Variants in SIDT1 observed in about 807,000 individuals in gnomAD.
SIDT1 encodes the protein SID1 transmembrane family member 1, also known as SID1 transmembrane family, member 1.
Under a neutral mutation model 107.5 loss-of-function variants are expected in SIDT1, and 101 were observed. That is an observed-to-expected ratio of 0.94 (90% CI 0.80 to 1.11). The LOEUF is 1.11. SIDT1 is among the 50% of genes least tolerant of loss of function. SIDT1 has a pLI of 0.00. For missense variants in SIDT1, 1,076 were observed against 1,058.2 expected (o/e 1.02, Z -0.23); for synonymous variants, 395 against 398.2 (o/e 0.99, Z 0.10).
chr3:113,611,956 C>T (rs1945781198), intron 18 of SIDT1, 130 bp from the exon 19 acceptor site: 7 of 636,834 alleles, frequency 1.1e-5, no homozygotes, highest in Non-Finnish European at 1.7e-5. Context: ...ATGGGAGTTT[C>T]CAGAGGGGGA....
At chr3:113,597,514 A>C (rs6766636) in intron 10 of SIDT1, among the ~76,000 whole-genome samples, 43,260 of 148,898 alleles carry the variant, frequency 0.29, 6,588 homozygotes, top group South Asian at 0.37. Context: ...AAAAAAAAAA[A>C]AAAAAATCAT....
chr3:113,542,379 CCTT>C (rs1391336907), intron 1 of SIDT1, among the ~76,000 whole-genome samples: 1 of 151,148 alleles, frequency 6.6e-6, no homozygotes, highest in Non-Finnish European at 1.5e-5. Context: ...TTATGTTGGC[CCTT>C]CTTTGGGGTT....
At chr3:113,606,206 A>G (rs1945321805) in intron 14 of SIDT1, among the ~76,000 whole-genome samples, 2 of 152,302 alleles carry the variant, frequency 1.3e-5, no homozygotes, top group African/African-American at 4.8e-5. Flanking sequence ...TACACAGTAG[A>G]AAGCCCATTT....
intron 21 of SIDT1, among the ~76,000 whole-genome samples, chr3:113,623,192 TAAAAAAAAAAAAAAAAA>T (rs61454117): frequency 1.9e-5 from 1 of 53,808 alleles, no homozygotes; most frequent in Non-Finnish European, 3.1e-5. Context: ...CCCCAACTCT[TAAAAAAAAAAAAAAAAA>T]AAAAAAAAAA....
chr3:113,557,201 A>G (rs186184741), intron 1 of SIDT1, among the ~76,000 whole-genome samples: 1 of 152,338 alleles, frequency 6.6e-6, no homozygotes, highest in East Asian at 1.9e-4. Context: ...CCTGGCCTCC[A>G]TGTTAATTCA....
intron 1 of SIDT1, among the ~76,000 whole-genome samples, chr3:113,557,996 T>G (rs1941056217): frequency 6.6e-6 from 1 of 152,102 alleles, no homozygotes; most frequent in African/African-American, 2.4e-5. Flanking sequence ...CACCACATCT[T>G]GAAATATAGT....
downstream of SIDT1, among the ~76,000 whole-genome samples, chr3:113,632,046 TG>T (rs1185276134): frequency 8.5e-5 from 13 of 152,214 alleles, no homozygotes; most frequent in African/African-American, 3.1e-4. Flanking sequence ...TCACTGGAGA[TG>T]AACAATAGCT....
intron 9 of SIDT1, among the ~76,000 whole-genome samples, chr3:113,591,562 T>C (rs1944153463): frequency 6.6e-6 from 1 of 152,002 alleles, no homozygotes; most frequent in Admixed American, 6.6e-5. Context: ...ATCAAGACTC[T>C]GGTACTGACA....
In SIDT1 at chr3:113,629,066, GT is replaced by G. The variant is rs1947027463; in HGVS notation, c.*1359del. 1 of 152,180 alleles carries G rather than the reference GT, an allele frequency of 6.6e-6. No individual in the cohort carries two copies. Among genetic ancestry groups the G allele is most frequent in the African/African-American group, 2.4e-5 (1 of 41,440 alleles). 9.4% of individuals were successfully genotyped at this position (152,180 alleles called of 1,614,324 possible). A position where few individuals can be genotyped will look rare whatever the true frequency, so the allele number is the denominator to read the frequency against. On this transcript the variant is annotated 3_prime_UTR_variant, in exon 25 of 25. Coordinates refer to ENST00000264852, the MANE Select transcript of SIDT1 (RefSeq NM_017699.3). ...TGTGCACATGCGTATGTATTTGCTT[GT>G]GAAATTAAAGTCACCTCTTGCCTCT...
intron 1 of SIDT1, among the ~76,000 whole-genome samples, chr3:113,565,049 T>C (rs1277828246): frequency 6.6e-6 from 1 of 152,220 alleles, no homozygotes; most frequent in Middle Eastern, 3.2e-3. Flanking sequence ...GATAGATCAT[T>C]AGGGCTTAAT....
At chr3:113,612,304 T>C (rs972501367) in intron 19 of SIDT1, 110 bp downstream of exon 19, 14 of 780,454 alleles carry the variant, frequency 1.8e-5, no homozygotes, top group Non-Finnish European at 2.9e-5. Flanking sequence ...CGTGAACACA[T>C]GCTCTGAATT....
intron 1 of SIDT1, among the ~76,000 whole-genome samples, chr3:113,561,948 T>C (rs563212771): frequency 6.6e-6 from 1 of 152,332 alleles, no homozygotes; most frequent in South Asian, 2.1e-4. Context: ...CTGACTGCTA[T>C]AGCTTTTAAG....
chr3:113,568,318 G>A (rs543040800), intron 3 of SIDT1, among the ~76,000 whole-genome samples: 5 of 152,110 alleles, frequency 3.3e-5, no homozygotes, highest in East Asian at 1.9e-4. Flanking sequence ...AATTAAGGCC[G>A]GGTGTGGTGG....
At chr3:113,544,168 TC>T (rs1939281222) in intron 1 of SIDT1, among the ~76,000 whole-genome samples, 2 of 141,872 alleles carry the variant, frequency 1.4e-5, no homozygotes, top group Non-Finnish European at 3.0e-5. Flanking sequence ...TTATCATGAG[TC>T]TTTTTGTTTG....
intron 10 of SIDT1, chr3:113,595,024 G>C (rs533829262): frequency 1.9e-5 from 3 of 154,268 alleles, no homozygotes; most frequent in Admixed American, 6.5e-5. Context: ...CATTGGCCTA[G>C]AGTGAATCAT....
At chr3:113,602,139 C>T (rs1393021775) in intron 11 of SIDT1, 1 of 152,898 alleles carries the variant, frequency 6.5e-6, no homozygotes, top group Non-Finnish European at 1.5e-5. Flanking sequence ...GCCACCCAGT[C>T]GTTCACATGG....
At chr3:113,615,212 G>A (rs1044736599) in intron 19 of SIDT1, 1 of 871,552 alleles carries the variant, frequency 1.1e-6, no homozygotes, top group African/African-American at 1.7e-5. Flanking sequence ...GGGAGCCAGA[G>A]AGAGGCTCAG....
At chr3:113,548,388 T>C (rs942849958) in intron 1 of SIDT1, among the ~76,000 whole-genome samples, 3 of 152,134 alleles carry the variant, frequency 2.0e-5, no homozygotes, top group African/African-American at 7.2e-5. Context: ...TAATTCATCC[T>C]TTATTCTCTT....
chr3:113,591,474 A>G (rs1221925660), intron 9 of SIDT1, among the ~76,000 whole-genome samples: 5 of 152,112 alleles, frequency 3.3e-5, no homozygotes, highest in Non-Finnish European at 7.3e-5. Flanking sequence ...GAGAAGCCAA[A>G]ACAATCCTGA....
Sources: gnomAD v4.1 joint callset for allele counts (sites outside exome capture counted in the v4.1 genomes callset) on GRCh38, gnomAD v4.1.1 for gene constraint, MANE v1.5 for transcripts, NCBI Gene and HGNC (gene_info 2026-07-23, HGNC 2026-07-21) for gene names.